Variants in NBEA observed in about 807,000 individuals in gnomAD.
The protein encoded by NBEA is lysosomal-trafficking regulator 2.
Under a neutral mutation model 343.4 loss-of-function variants are expected in NBEA, and 44 were observed. The observed-to-expected ratio is 0.13, with a 90% CI of 0.10 to 0.16. The LOEUF (loss-of-function observed/expected upper bound fraction) is 0.16, where lower values mean the gene tolerates loss of function less well. Ranked by LOEUF, NBEA falls within the 10% of genes least tolerant of loss-of-function variation. The probability of loss-of-function intolerance (pLI) is 1.00; values close to 1 mark genes in which losing one functional copy is unlikely to be tolerated. For missense variants in NBEA, 2,555 were observed against 3,631.3 expected (o/e 0.70, Z 7.62); for synonymous variants, 1,175 against 1,238.7 (o/e 0.95, Z 1.08).
intron 43 of NBEA, among the ~76,000 whole-genome samples, chr13:35,553,783 G>A (rs1178950029): frequency 6.6e-6 from 1 of 152,090 alleles, no homozygotes; most frequent in Non-Finnish European, 1.5e-5. Flanking sequence ...AATTCTCAGG[G>A]GTGCTGCAGG....
intron 13 of NBEA, among the ~76,000 whole-genome samples, chr13:35,112,824 A>G (rs1332611009): frequency 3.3e-5 from 5 of 152,262 alleles, no homozygotes; most frequent in African/African-American, 9.6e-5. Flanking sequence ...TAAATTGTAG[A>G]CATGATACTC....
intron 43 of NBEA, among the ~76,000 whole-genome samples, chr13:35,554,000 G>A (rs1186068459): frequency 6.6e-6 from 1 of 152,176 alleles, no homozygotes; most frequent in African/African-American, 2.4e-5. Flanking sequence ...GGAAATGAGT[G>A]TGGTGGTGTC....
At chr13:34,993,567 T>G (rs151104323) in intron 1 of NBEA, among the ~76,000 whole-genome samples, 1 of 152,312 alleles carries the variant, frequency 6.6e-6, no homozygotes, top group East Asian at 1.9e-4. Context: ...GTGTGGAGAC[T>G]ATCCCTACCA....
chr13:35,250,666 C>A (rs886701625), intron 34 of NBEA, among the ~76,000 whole-genome samples: 2 of 151,998 alleles, frequency 1.3e-5, no homozygotes, highest in African/African-American at 4.8e-5. Flanking sequence ...TGGGAATATA[C>A]CATGGAATAA....
intron 41 of NBEA, among the ~76,000 whole-genome samples, chr13:35,546,537 G>A (rs1283185938): frequency 6.6e-6 from 1 of 150,630 alleles, no homozygotes; most frequent in South Asian, 2.1e-4. Context: ...GAGAGGAGTA[G>A]ATCTAAAATT....
chr13:35,642,198 A>G (rs2083994532), intron 49 of NBEA, among the ~76,000 whole-genome samples: 1 of 152,188 alleles, frequency 6.6e-6, no homozygotes, highest in Non-Finnish European at 1.5e-5. Flanking sequence ...GACTCATGAT[A>G]CCACTGTTTA....
intron 27 of NBEA, 49 bp from the exon 28 acceptor site, chr13:35,176,947 A>G (rs1181509474): frequency 8.1e-7 from 1 of 1,234,296 alleles, no homozygotes; most frequent in Admixed American, 2.0e-5. Flanking sequence ...ATACTTCTAT[A>G]TATTATCTGT....
In NBEA at chr13:35,208,737, A is replaced by T. The variant is rs370712135; in HGVS notation, c.5404A>T (p.Ser1802Cys). The change falls in exon 32 of 59, where the codon AGT becomes TGT. Residue 1802 changes from serine (S) to cysteine (C), a missense_variant. Transcript: ENST00000379939. ...VVPVKKPPPGSLAVTTVGATT... is the reference protein window; with the variant it reads ...VVPVKKPPPGCLAVTTVGATT... ...GCCTGTAAAGAAACCACCTCCAGGTAGTTTAGCTGTAACCACTGTGGGAGC... is the reference window on the plus strand; with the variant it reads ...GCCTGTAAAGAAACCACCTCCAGGTTGTTTAGCTGTAACCACTGTGGGAGC... The T allele has an allele frequency of 1.3e-4, 211 of 1,609,440 alleles. 1 individual carries two copies. In the Middle Eastern group the frequency reaches 5.6e-3, roughly 43 times the overall value.
intron 34 of NBEA, among the ~76,000 whole-genome samples, chr13:35,238,430 T>C (rs2075333442): frequency 6.6e-6 from 1 of 152,218 alleles, no homozygotes; most frequent in Admixed American, 6.5e-5. Flanking sequence ...CTCAGTGTTT[T>C]TACTTTCCTC....
chr13:34,963,164 GAC>G (rs1349735171), intron 1 of NBEA, among the ~76,000 whole-genome samples: 3 of 151,906 alleles, frequency 2.0e-5, no homozygotes, highest in African/African-American at 7.2e-5. Flanking sequence ...GAGGTGTCAT[GAC>G]ACATACTGCA....
intron 13 of NBEA, among the ~76,000 whole-genome samples, chr13:35,112,189 T>G (rs2066251973): frequency 6.6e-6 from 1 of 152,050 alleles, no homozygotes; most frequent in Admixed American, 6.6e-5. Context: ...TTTACTATTC[T>G]AATATTTATA....
chr13:35,309,039 G>A (rs1302822053), intron 35 of NBEA, among the ~76,000 whole-genome samples: 1 of 151,856 alleles, frequency 6.6e-6, no homozygotes, highest in Non-Finnish European at 1.5e-5. Context: ...TTAGCATTAA[G>A]TAATTTGGAA....
chr13:35,257,976 C>G (rs1454655025), intron 34 of NBEA, among the ~76,000 whole-genome samples: 6 of 152,188 alleles, frequency 3.9e-5, no homozygotes, highest in Non-Finnish European at 5.9e-5. Context: ...AATTTTGACT[C>G]ACTTTTACAA....
chr13:35,552,229 G>A (rs1470554319), intron 43 of NBEA, among the ~76,000 whole-genome samples: 1 of 152,168 alleles, frequency 6.6e-6, no homozygotes, highest in African/African-American at 2.4e-5. Context: ...GACAGGGACT[G>A]TGTTTTATTT....
rs139375544 is a variant in NBEA, at chr13:35,360,063, A to G, written c.6179+7740A>G. Among the ~76,000 whole-genome samples, 150 of 152,142 alleles carry G rather than the reference A, an allele frequency of 9.9e-4. 1 individual carries two copies. The highest frequency in any genetic ancestry group is 3.6e-3 in the African/African-American group (148 of 41,542). On this transcript the variant is annotated intron_variant, in intron 38 of 58. Transcript: ENST00000379939. ...AAAATGTGAGATTCATAGAGATCAA[A>G]TGTCTTGCCCTGTATTACACAGCTA...
intron 38 of NBEA, among the ~76,000 whole-genome samples, chr13:35,374,534 A>G (rs1018398185): frequency 6.6e-6 from 1 of 152,212 alleles, no homozygotes; most frequent in African/African-American, 2.4e-5. Context: ...GTGAAGTATA[A>G]TAAAGCTAAG....
At chr13:35,553,965 C>G (rs2153016005) in intron 43 of NBEA, among the ~76,000 whole-genome samples, 1 of 152,132 alleles carries the variant, frequency 6.6e-6, no homozygotes, top group Middle Eastern at 3.4e-3. Flanking sequence ...AAAACAAGAG[C>G]CATATGAAAA....
intron 28 of NBEA, among the ~76,000 whole-genome samples, chr13:35,181,717 G>A (rs2071334316): frequency 6.6e-6 from 1 of 151,638 alleles, no homozygotes; most frequent in African/African-American, 2.4e-5. Flanking sequence ...TGGGTTCTTG[G>A]TCATGAAATC....
intron 36 of NBEA, among the ~76,000 whole-genome samples, chr13:35,315,511 G>A (rs1274291774): frequency 4.6e-5 from 7 of 152,070 alleles, no homozygotes. Context: ...AGGCAAATAG[G>A]AAGTACTTAT....
Sources: gnomAD v4.1 joint callset for allele counts (sites outside exome capture counted in the v4.1 genomes callset) on GRCh38, gnomAD v4.1.1 for gene constraint, MANE v1.5 for transcripts, NCBI Gene and HGNC (gene_info 2026-07-23, HGNC 2026-07-21) for gene names.